RPF2: variants seen among roughly 807,000 people sequenced by gnomAD.
RPF2 encodes the protein ribosome production factor 2 homolog, also known as brix domain containing 1.
In RPF2, 21 loss-of-function variants were observed where a neutral mutation model predicts 38.9. That is an observed-to-expected ratio of 0.54 (90% confidence interval 0.38 to 0.78). The LOEUF is 0.78. RPF2 is among the 30% of genes least tolerant of loss of function. The pLI is 0.00. For synonymous variants in RPF2, 121 were observed against 126.2 expected, an observed-to-expected ratio of 0.96 and a Z score of 0.28; for missense variants, 314 against 358.1, an observed-to-expected ratio of 0.88 and a Z score of 0.99.
At chr6:111,021,929 A>T (rs1772241490) in intron 8 of RPF2, among the ~76,000 whole-genome samples, 1 of 152,246 alleles carries the variant, frequency 6.6e-6, no homozygotes, top group Non-Finnish European at 1.5e-5. Flanking sequence ...ACAGGAAATT[A>T]TATTAATATA....
rs376936594 is a variant in RPF2 at position 111,000,246 on chromosome 6, AG to A, written c.393+461del. ...TCAACCCCCAAGTAGCTGGGACTACAGGCACATGCCAGCACGCCCAGCTAAT... is the reference window on the plus strand; with the variant it reads ...TCAACCCCCAAGTAGCTGGGACTACAGCACATGCCAGCACGCCCAGCTAAT... On this transcript the variant is annotated intron_variant, in intron 6 of 9. Coordinates refer to ENST00000441448, the MANE Select transcript of RPF2 (RefSeq NM_032194.3). Among the ~76,000 whole-genome samples the A allele has an allele frequency of 3.0e-3, 463 of 152,280 alleles. 4 individuals are homozygous for A. Among genetic ancestry groups the A allele is most frequent in the African/African-American group, 0.01 (436 of 41,558 alleles).
At chr6:111,017,017 C>T (rs1483500651) in intron 8 of RPF2, among the ~76,000 whole-genome samples, 1 of 152,190 alleles carries the variant, frequency 6.6e-6, no homozygotes, top group East Asian at 1.9e-4. Context: ...CATAGATCAA[C>T]AGCATCCCAA....
At chr6:111,022,414 T>A (rs1772249995) in intron 8 of RPF2, among the ~76,000 whole-genome samples, 1 of 152,228 alleles carries the variant, frequency 6.6e-6, no homozygotes, top group Non-Finnish European at 1.5e-5. Flanking sequence ...TGTTTGCAGA[T>A]AACTAAAAGC....
intron 8 of RPF2, among the ~76,000 whole-genome samples, chr6:111,016,417 AC>A (rs1325243548): frequency 6.6e-6 from 1 of 151,882 alleles, no homozygotes; most frequent in Non-Finnish European, 1.5e-5. Flanking sequence ...ACATGACGAA[AC>A]CCCATCTCTA....
At chr6:111,006,681 C>T (rs959988913) in intron 6 of RPF2, among the ~76,000 whole-genome samples, 66 of 152,150 alleles carry the variant, frequency 4.3e-4, no homozygotes, top group Admixed American at 3.1e-3. Flanking sequence ...GATCATGGCT[C>T]ACTGCAGCCT....
chr6:111,005,064 C>T (rs1383969637), intron 6 of RPF2, among the ~76,000 whole-genome samples: 5 of 152,000 alleles, frequency 3.3e-5, no homozygotes, highest in African/African-American at 1.2e-4. Flanking sequence ...GTCAGACTGG[C>T]GTGGTTGAAG....
intron 5 of RPF2, among the ~76,000 whole-genome samples, 153 bp from the exon 6 acceptor site, chr6:110,999,558 A>C (rs1010777937): frequency 4.6e-5 from 7 of 152,136 alleles, no homozygotes; most frequent in Non-Finnish European, 1.0e-4. Context: ...CAATAAGTAG[A>C]GTTGAAAATG....
At chr6:111,002,377 G>A (rs1771824657) in intron 6 of RPF2, among the ~76,000 whole-genome samples, 1 of 152,166 alleles carries the variant, frequency 6.6e-6, no homozygotes, top group African/African-American at 2.4e-5. Flanking sequence ...GTCTCACTCT[G>A]TTGCCCAGGT....
intron 6 of RPF2, among the ~76,000 whole-genome samples, chr6:111,000,713 A>T (rs1038995095): frequency 6.6e-6 from 1 of 152,152 alleles, no homozygotes; most frequent in Non-Finnish European, 1.5e-5. Flanking sequence ...ACATTATTTC[A>T]CCTAGACCTC....
chr6:111,022,658 T>A (rs1772254695), intron 8 of RPF2, among the ~76,000 whole-genome samples: 1 of 152,240 alleles, frequency 6.6e-6, no homozygotes, highest in South Asian at 2.1e-4. Context: ...ATATGCACCC[T>A]GAAACTATGT....
rs955596841 is a variant in RPF2 at position 111,024,082 on chromosome 6, T to C, written c.597-101T>C. 15 of 992,996 alleles carry C rather than the reference T, an allele frequency of 1.5e-5. No homozygotes were observed. The East Asian group carries it at 1.8e-4, about 12-fold the overall frequency. 61.5% of individuals were successfully genotyped at this position (992,996 alleles called of 1,614,324 possible). On this transcript the variant is annotated intron_variant, in intron 8 of 9. Transcript: ENST00000441448. ...TAAGTAAGTCTTTCTAAACATTTTA[T>C]ATCATTTAATGGAATTGTAAATCCC...
At chr6:110,993,446 A>T (rs1162659166) in intron 4 of RPF2, among the ~76,000 whole-genome samples, 1 of 152,278 alleles carries the variant, frequency 6.6e-6, no homozygotes, top group East Asian at 1.9e-4. Flanking sequence ...GTTTTTTTCA[A>T]ATTACTTTTA....
At chr6:110,991,300 CT>C (rs1013927278) in intron 3 of RPF2, among the ~76,000 whole-genome samples, 5 of 149,348 alleles carry the variant, frequency 3.3e-5, no homozygotes, top group African/African-American at 9.8e-5. Context: ...TATTTCTTAA[CT>C]TTTTTTTTAG....
intron 7 of RPF2, among the ~76,000 whole-genome samples, chr6:111,009,156 C>T (rs1014740417): frequency 3.3e-5 from 5 of 151,978 alleles, no homozygotes; most frequent in African/African-American, 1.2e-4. Context: ...CCCGGGTTCA[C>T]ACCGTTCTCC....
chr6:110,991,373 A>G (rs3851219), intron 3 of RPF2, among the ~76,000 whole-genome samples: 53,453 of 149,148 alleles, frequency 0.36, 10,486 homozygotes, highest in East Asian at 0.67. Flanking sequence ...TCACTGTTGT[A>G]AGCCACTGTG....
intron 5 of RPF2, among the ~76,000 whole-genome samples, chr6:110,998,761 A>G (rs1002364032): frequency 6.6e-6 from 1 of 152,014 alleles, no homozygotes; most frequent in African/African-American, 2.4e-5. Flanking sequence ...TCTCTAAAAT[A>G]ATAATTGGTT....
chr6:111,017,788 G>A (rs1245942443), intron 8 of RPF2, among the ~76,000 whole-genome samples: 1 of 151,108 alleles, frequency 6.6e-6, no homozygotes, highest in East Asian at 2.0e-4. Flanking sequence ...AGGCAGAGAC[G>A]CTCCTCACTT....
At chr6:111,018,303 G>A (rs911906280) in intron 8 of RPF2, among the ~76,000 whole-genome samples, 1 of 152,152 alleles carries the variant, frequency 6.6e-6, no homozygotes, top group Non-Finnish European at 1.5e-5. Context: ...GGTACTGGCT[G>A]ACAGAGCCCA....
In RPF2 at chr6:111,026,752, C is replaced by G. The variant is rs1241291630; in HGVS notation, c.*1170C>G. On this transcript the variant is annotated 3_prime_UTR_variant, in exon 10 of 10. Transcript: ENST00000441448. ...CTACTAGTATTGCATACTTGTTTTT[C>G]TGGAATAGGGTGTTAAGTTCCTTGA... 6.6e-6 allele frequency: 1 copy of G among 152,176 alleles called. No homozygotes were observed. The highest frequency in any genetic ancestry group is 1.5e-5 in the Non-Finnish European group (1 of 68,016). 9.4% of individuals were successfully genotyped at this position (152,176 alleles called of 1,614,324 possible).
Sources: allele counts gnomAD v4.1 joint callset (sites outside exome capture counted in the v4.1 genomes callset), GRCh38; gene constraint gnomAD v4.1.1; transcripts MANE v1.5; gene names NCBI Gene and HGNC (gene_info 2026-07-23, HGNC 2026-07-21).